The following RSPH14 variants were observed in gnomAD, a reference collection of about 807,000 sequenced individuals.
The protein encoded by RSPH14 is radial spoke head 14 homolog.
A neutral mutation model predicts 26.7 loss-of-function variants in RSPH14; 20 were observed. The observed-to-expected ratio is 0.75, with a 90% CI of 0.53 to 1.09. RSPH14 has a LOEUF of 1.09. RSPH14 is among the 50% of genes least tolerant of loss of function. RSPH14 has a pLI of 0.00. For missense variants in RSPH14, 449 were observed against 457.2 expected (o/e 0.98, Z 0.16); for synonymous variants, 177 against 189.3 (o/e 0.93, Z 0.53).
chr22:23,059,983 C>T (rs1569150556), intron 6 of RSPH14, among the ~76,000 whole-genome samples: 1 of 152,192 alleles, frequency 6.6e-6, no homozygotes, highest in Non-Finnish European at 1.5e-5. Flanking sequence ...AGTTCAAGAC[C>T]AGCCTGGGCA....
In RSPH14 at chr22:23,066,850, T is replaced by C. The variant is rs545077426; in HGVS notation, c.422-2717A>G. The stretch of plus-strand genomic sequence containing the variant: ...AGCAGGCCAGGCTCTGGGCCATCCA[T>C]GGTTTAGAGACAAGCAACATATGCC... On this transcript the variant is annotated intron_variant, in intron 4 of 6. Transcript: ENST00000216036. Among the ~76,000 whole-genome samples, 22 of 152,162 alleles carry C rather than the reference T, an allele frequency of 1.4e-4. 1 individual carries two copies. In the South Asian group the frequency reaches 3.7e-3, roughly 26 times the overall value.
At chr22:23,161,706 C>T in the RSPH14 span, 1 of 706,818 alleles carries the variant, frequency 1.4e-6, no homozygotes, top group Non-Finnish European at 2.3e-6. Flanking sequence ...TCCACCCACC[C>T]ACCGGGCTCA....
chr22:23,089,943 C>G (rs2068920753), intron 4 of RSPH14, among the ~76,000 whole-genome samples: 1 of 152,190 alleles, frequency 6.6e-6, no homozygotes, highest in Non-Finnish European at 1.5e-5. Flanking sequence ...GCACAGCCCA[C>G]TAGGGCTTCT....
At chr22:23,073,370 A>G (rs2146245716) in intron 4 of RSPH14, among the ~76,000 whole-genome samples, 1 of 152,370 alleles carries the variant, frequency 6.6e-6, no homozygotes, top group East Asian at 1.9e-4. Context: ...AGCAGAGGCT[A>G]TGCTGCGGCC....
chr22:23,095,608 C>T lies in RSPH14; in HGVS notation c.422-31475G>A, dbSNP rs934370943. On this transcript the variant is annotated intron_variant, in intron 4 of 6. Coordinates refer to ENST00000216036, the MANE Select transcript of RSPH14 (RefSeq NM_014433.3). Reference sequence around the variant, plus strand: ...TGAGTGCCTCCAGGGCAGCTGGGCTCTTGTCTGCCTGGTCTCAGTGTCCCC... The same window carrying T: ...TGAGTGCCTCCAGGGCAGCTGGGCTTTTGTCTGCCTGGTCTCAGTGTCCCC... 6.5e-5 allele frequency: 95 copies of T among 1,454,936 alleles called. No individual in the cohort carries two copies. In the African/African-American group the frequency reaches 1.2e-3, roughly 19 times the overall value. 90.1% of individuals were successfully genotyped at this position (1,454,936 alleles called of 1,614,324 possible).
At chr22:23,142,020 C>A (rs186080353), upstream of RSPH14, 345 of 985,352 alleles carry the variant, frequency 3.5e-4, 4 homozygotes, top group East Asian at 0.03. Flanking sequence ...CAGGCGACAT[C>A]GTTGCCAGGC....
intron 4 of RSPH14, among the ~76,000 whole-genome samples, chr22:23,086,107 A>C (rs1055849825): frequency 1.2e-4 from 18 of 152,248 alleles, no homozygotes; most frequent in Non-Finnish European, 1.8e-4. Context: ...TTTCCACTGA[A>C]AGTAGGACTA....
intron 6 of RSPH14, 108 bp downstream of exon 6, chr22:23,061,700 GC>G: frequency 1.2e-6 from 1 of 864,622 alleles, no homozygotes; most frequent in Non-Finnish European, 1.6e-6. Flanking sequence ...TTTTTTTTTT[GC>G]AAAGTGTGGA....
intron 4 of RSPH14, chr22:23,123,298 A>G (rs764771187): frequency 6.2e-7 from 1 of 1,613,018 alleles, no homozygotes; most frequent in South Asian, 1.1e-5. Flanking sequence ...GAAGACCTGA[A>G]CCGCAACAAG....
At chr22:23,165,391 G>A in the RSPH14 span, among the ~76,000 whole-genome samples, 22 of 152,188 alleles carry the variant, frequency 1.4e-4, no homozygotes, top group African/African-American at 5.3e-4. Flanking sequence ...GTCTGACCCA[G>A]AGACCCTCAC....
Position 23,071,896 on chromosome 22 carries a change from G to T in RSPH14, c.422-7763C>A, listed in dbSNP as rs2068388032. On this transcript the variant is annotated intron_variant, in intron 4 of 6. Transcript: ENST00000216036. This position sits in a 1 kb window ranked among gnomAD's most constrained non-coding sequence, Gnocchi z 4.1. ...TCTGATGGGAGCACTTAGCATGCCT[G>T]GGGAGTAGGAGGAGGTATGGCGGGA... 6.6e-6 allele frequency among the ~76,000 whole-genome samples: 1 copy of T among 152,206 alleles called. No individual in the cohort carries two copies. The highest frequency in any genetic ancestry group is 2.1e-4 in the South Asian group (1 of 4,830).
intron 4 of RSPH14, among the ~76,000 whole-genome samples, chr22:23,118,391 G>A (rs1191376239): frequency 6.6e-6 from 1 of 152,260 alleles, no homozygotes; most frequent in Non-Finnish European, 1.5e-5. Context: ...AGCAGGCCCT[G>A]GAGAGAGCAG....
intron 4 of RSPH14, chr22:23,095,626 G>GT (rs149149990): frequency 0.02 from 30,358 of 1,517,672 alleles, 336 homozygotes; most frequent in Non-Finnish European, 0.023. Context: ...CCTGGTCTCA[G>GT]TGTCCCCTGT....
upstream of RSPH14, among the ~76,000 whole-genome samples, chr22:23,143,431 C>G (rs965175072): frequency 5.9e-5 from 9 of 152,160 alleles, no homozygotes; most frequent in Admixed American, 1.3e-4. Context: ...GGTACCCTCA[C>G]TGTACCAGGG....
chr22:23,125,136 T>G (rs1412411802), intron 4 of RSPH14: 2 of 152,158 alleles, frequency 1.3e-5, no homozygotes, highest in African/African-American at 4.8e-5. Context: ...GGTCCCATAT[T>G]CCAAACCCCA....
chr22:23,161,090 T>A, the RSPH14 span: 1 of 1,452,364 alleles, frequency 6.9e-7, no homozygotes, highest in African/African-American at 1.4e-5. Context: ...CCTTGCCATT[T>A]CCTGAACTTG....
the RSPH14 span, among the ~76,000 whole-genome samples, chr22:23,156,487 T>G: frequency 6.6e-6 from 1 of 152,080 alleles, no homozygotes; most frequent in Non-Finnish European, 1.5e-5. Flanking sequence ...ACCACTTCCA[T>G]GGCCAAGGGC....
chr22:23,123,711 A>G (rs1222483235), intron 4 of RSPH14: 3 of 460,224 alleles, frequency 6.5e-6, no homozygotes, highest in Non-Finnish European at 1.2e-5. Flanking sequence ...AAGCTGTCAC[A>G]AGGTCACTAC....
chr22:23,077,199 A>C (rs989914125), intron 4 of RSPH14, among the ~76,000 whole-genome samples: 13 of 151,894 alleles, frequency 8.6e-5, no homozygotes, highest in African/African-American at 2.9e-4. Flanking sequence ...AACCCACCCT[A>C]TCTCTCCTTA....
Sources: allele counts gnomAD v4.1 joint callset (sites outside exome capture counted in the v4.1 genomes callset), GRCh38; gene constraint gnomAD v4.1.1; non-coding constraint Gnocchi (gnomAD v3.1); transcripts MANE v1.5; gene names NCBI Gene and HGNC (gene_info 2026-07-23, HGNC 2026-07-21).